The following PUDP variants were observed in gnomAD, a reference collection of about 807,000 sequenced individuals.
PUDP encodes the protein pseudouridine-5'-phosphatase.
A neutral mutation model predicts 9.4 loss-of-function variants in PUDP; 8 were observed. The ratio of observed to expected loss-of-function variants is 0.85; its 90% CI spans 0.50 to 1.53. The LOEUF (loss-of-function observed/expected upper bound fraction) is 1.53. Ranked by LOEUF, PUDP falls within the 40% of genes most tolerant of loss-of-function variation. The pLI is 0.00. For synonymous variants in PUDP, 99 were observed against 80.7 expected (o/e 1.23, Z -1.22); for missense variants, 188 against 189.7 (o/e 0.99, Z 0.05).
intron 3 of PUDP, among the ~76,000 whole-genome samples, chrX:6,933,581 T>C (rs1467209466): frequency 1.8e-5 from 2 of 111,509 alleles, no homozygotes. Context: ...AGAGCGCCTC[T>C]CCTCCAAAGG....
intron 3 of PUDP, among the ~76,000 whole-genome samples, chrX:6,882,708 G>C (rs892556044): frequency 1.8e-5 from 2 of 111,337 alleles, no homozygotes; most frequent in Non-Finnish European, 3.8e-5. Context: ...CCCTGGGGTG[G>C]AGATGGGAAC....
chrX:6,738,465 A>G (rs1924899188), intron 3 of PUDP, among the ~76,000 whole-genome samples: 1 of 111,705 alleles, frequency 9.0e-6, no homozygotes, highest in African/African-American at 3.3e-5. Flanking sequence ...TCCCACACCA[A>G]TGACTTCTAA....
At chrX:7,062,432 G>A (rs1015143404) in intron 3 of PUDP, among the ~76,000 whole-genome samples, 1 of 111,863 alleles carries the variant, frequency 8.9e-6, no homozygotes, top group African/African-American at 3.3e-5. Flanking sequence ...TGAAAGACAG[G>A]CATAATCGCA....
chrX:6,757,194 T>C (rs1440120832), intron 3 of PUDP, among the ~76,000 whole-genome samples: 1 of 111,571 alleles, frequency 9.0e-6, no homozygotes, highest in African/African-American at 3.3e-5. Flanking sequence ...TGGAAGTAGA[T>C]AGAGCCGGAT....
At chrX:6,889,747 T>C (rs938968651) in intron 3 of PUDP, among the ~76,000 whole-genome samples, 2 of 111,940 alleles carry the variant, frequency 1.8e-5, no homozygotes, top group Non-Finnish European at 3.8e-5. Flanking sequence ...TTAAGACTCA[T>C]CACTCGGCTG....
At chrX:7,002,082 T>C (rs765286914) in intron 1 of PUDP, among the ~76,000 whole-genome samples, 1 of 111,708 alleles carries the variant, frequency 9.0e-6, no homozygotes, top group African/African-American at 3.3e-5. Context: ...GTCTCTAGAC[T>C]ACATTTAAAA....
At chrX:7,006,521 A>AT (rs973127055) in intron 1 of PUDP, among the ~76,000 whole-genome samples, 11 of 110,839 alleles carry the variant, frequency 9.9e-5, no homozygotes, top group Admixed American at 5.8e-4. Context: ...TCCTCTGCCT[A>AT]TTTTTTTAAA....
chrX:6,780,693 T>C (rs1454663588), intron 3 of PUDP, among the ~76,000 whole-genome samples: 2 of 111,090 alleles, frequency 1.8e-5, no homozygotes, highest in African/African-American at 6.6e-5. Flanking sequence ...TCCCCAATTA[T>C]CTCATCTCAG....
At chrX:6,983,315 T>G (rs915655533) in intron 1 of PUDP, among the ~76,000 whole-genome samples, 2 of 111,283 alleles carry the variant, frequency 1.8e-5, no homozygotes, top group African/African-American at 6.6e-5. Context: ...ATTGGTTGGC[T>G]TGGGGATGAA....
intron 3 of PUDP, among the ~76,000 whole-genome samples, chrX:6,861,132 GA>G (rs1926995554): frequency 8.9e-6 from 1 of 111,802 alleles, no homozygotes; most frequent in Admixed American, 9.5e-5. Flanking sequence ...AGGATCTGAT[GA>G]AAGTTTCATC....
intron 3 of PUDP, among the ~76,000 whole-genome samples, chrX:6,726,780 G>T (rs915967949): frequency 3.6e-5 from 4 of 111,241 alleles, no homozygotes; most frequent in Non-Finnish European, 7.5e-5. Context: ...AACACTTGGA[G>T]ATGTGCTCCA....
intron 1 of PUDP, chrX:6,721,325 AGTGAG>A (rs942243249): frequency 9.8e-5 from 11 of 112,202 alleles, no homozygotes. Flanking sequence ...ACCCATCCCA[AGTGAG>A]GTGAAGGTGT....
chrX:6,850,620 A>G (rs1926813247), intron 3 of PUDP, among the ~76,000 whole-genome samples: 1 of 112,751 alleles, frequency 8.9e-6, no homozygotes, highest in Non-Finnish European at 1.9e-5. Flanking sequence ...AATTTACCTT[A>G]TAAACAACAT....
At chrX:6,954,543 T>G (rs1466094010) in intron 3 of PUDP, among the ~76,000 whole-genome samples, 1 of 111,658 alleles carries the variant, frequency 9.0e-6, no homozygotes, top group Non-Finnish European at 1.9e-5. Flanking sequence ...GGGGCAGTCC[T>G]CCAGGCTGGC....
At chrX:7,079,358 CA>C (rs1172023796) in intron 2 of PUDP, among the ~76,000 whole-genome samples, 1 of 112,395 alleles carries the variant, frequency 8.9e-6, no homozygotes, top group Non-Finnish European at 1.9e-5. Flanking sequence ...AATGGAGAAA[CA>C]CAAACGTAGA....
At chrX:7,000,370 C>T (rs779796286) in intron 1 of PUDP, among the ~76,000 whole-genome samples, 1 of 111,125 alleles carries the variant, frequency 9.0e-6, no homozygotes, top group South Asian at 3.7e-4. Flanking sequence ...AATCTTTCCA[C>T]CAAAGAAAAA....
intron 2 of PUDP, among the ~76,000 whole-genome samples, chrX:7,098,379 C>T (rs1569159308): frequency 9.0e-6 from 1 of 111,703 alleles, no homozygotes; most frequent in East Asian, 2.8e-4. Context: ...CCTCAGGTGA[C>T]AGAGGAATGG....
chrX:7,069,212 G>A (rs960146132), intron 3 of PUDP, among the ~76,000 whole-genome samples: 3 of 111,512 alleles, frequency 2.7e-5, no homozygotes, highest in Non-Finnish European at 3.8e-5. Context: ...GATGTCTGTG[G>A]TTTCAGCAGT....
At chrX:6,870,881 A>C (rs1213229028) in intron 3 of PUDP, among the ~76,000 whole-genome samples, 1 of 111,429 alleles carries the variant, frequency 9.0e-6, no homozygotes, top group African/African-American at 3.3e-5. Flanking sequence ...TCTGTTTCCC[A>C]GGCTGGAGTG....
Sources: allele counts gnomAD v4.1 joint callset (sites outside exome capture counted in the v4.1 genomes callset), GRCh38; gene constraint gnomAD v4.1.1; transcripts MANE v1.5; gene names NCBI Gene and HGNC (gene_info 2026-07-23, HGNC 2026-07-21).